The following HYDIN variants were observed in gnomAD, a reference collection of about 807,000 sequenced individuals.
HYDIN encodes the protein axonemal central pair apparatus protein HYDIN.
In HYDIN, 132 loss-of-function variants were observed where a neutral mutation model predicts 403.9. The ratio of observed to expected loss-of-function variants is 0.33; its 90% confidence interval spans 0.28 to 0.38. The LOEUF is 0.38. Among genes scored for constraint, HYDIN ranks in the 10% least tolerant of loss-of-function variants. The probability of loss-of-function intolerance (pLI) is 1.00; values close to 1 mark genes in which losing one functional copy is unlikely to be tolerated. For synonymous variants in HYDIN, 1,202 were observed against 1,891.7 expected (o/e 0.64, Z 9.46); for missense variants, 2,827 against 5,009.5 (o/e 0.56, Z 13.15).
At chr16:70,995,767 C>T (rs907668) in intron 23 of HYDIN, among the ~76,000 whole-genome samples, 2,231 of 152,286 alleles carry the variant, frequency 0.015, 53 homozygotes, top group African/African-American at 0.05. Context: ...AGGAGACACA[C>T]TGATTTCTAA....
chr16:71,196,468 C>T (rs1237473660), intron 1 of HYDIN, among the ~76,000 whole-genome samples: 1 of 151,632 alleles, frequency 6.6e-6, no homozygotes. Context: ...CCTACAGATG[C>T]AAACTGGAAT....
At position 70,807,904 on chromosome 16, in the gene HYDIN, G is replaced by T. The variant is rs1258652088; in HGVS notation, c.15042C>A (p.Ile5014=). The change falls in exon 86 of 86, where the codon ATC becomes ATA. Residue 5014 remains isoleucine, a synonymous_variant. Coordinates refer to ENST00000393567, the MANE Select transcript of HYDIN (RefSeq NM_001270974.2). ...GCAGAGCCATTCCAAAGAGGGGGAT[G>T]ATATACTCTCCACCTGCGAGCGATG... ...ILSSLAGGEY[I]IPLFGMALPP... The T allele has an allele frequency of 1.2e-6, 2 of 1,614,138 alleles. No individual in the cohort carries two copies. The highest frequency in any genetic ancestry group is 2.2e-5 in the South Asian group (2 of 91,076).
chr16:71,025,282 TG>T (rs1404633673), intron 21 of HYDIN, 100 bp downstream of exon 21: 1 of 140,318 alleles, frequency 7.1e-6, no homozygotes, highest in Non-Finnish European at 1.5e-5. Flanking sequence ...GGCTGAGTAA[TG>T]GGTGGAAAAG....
intron 83 of HYDIN, among the ~76,000 whole-genome samples, chr16:70,826,713 C>T (rs904758944): frequency 7.4e-6 from 1 of 135,060 alleles, no homozygotes; most frequent in Non-Finnish European, 1.6e-5. Flanking sequence ...GCATCTCTCT[C>T]TCTCTCTCTC....
chr16:71,050,572 G>C (rs1176744575), intron 18 of HYDIN, among the ~76,000 whole-genome samples: 2 of 151,846 alleles, frequency 1.3e-5, no homozygotes, highest in Admixed American at 6.6e-5. Flanking sequence ...ACTAATCCCT[G>C]GCAACCACTG....
intron 22 of HYDIN, among the ~76,000 whole-genome samples, chr16:71,019,480 C>A (rs1213726658): frequency 6.6e-6 from 1 of 152,310 alleles, no homozygotes; most frequent in Non-Finnish European, 1.5e-5. Context: ...GAAAGCCAGG[C>A]CAGCCACTGG....
intron 1 of HYDIN, among the ~76,000 whole-genome samples, chr16:71,209,214 T>A (rs1242801115): frequency 6.7e-6 from 1 of 149,690 alleles, no homozygotes; most frequent in East Asian, 1.9e-4. Context: ...GTAGGCTTTA[T>A]CCCCATGATG....
chr16:70,896,208 T>G, intron 53 of HYDIN, 128 bp from the exon 54 acceptor site: 1 of 1,014,860 alleles, frequency 9.9e-7, no homozygotes, highest in Non-Finnish European at 1.4e-6. Context: ...AGGTATTTTA[T>G]CTTCGCCAAG....
In HYDIN at chr16:70,834,110, T is replaced by C; in HGVS notation, c.13456A>G (p.Lys4486Glu). ...NITLKPKEVC[K>E]LEVIFAPKKR... is the part of the protein sequence containing the mutation. ...TTCGGGGCAAAGATGACTTCCAGTT[T>C]ACAGACTTCTTTGGGCTTCAGTGTG... The change falls in exon 79 of 86, where the codon AAA becomes GAA. Residue 4486 changes from lysine to glutamate, a missense_variant. Coordinates refer to ENST00000393567, the MANE Select transcript of HYDIN (RefSeq NM_001270974.2). 6.2e-7 allele frequency: 1 copy of C among 1,613,364 alleles called. No individual in the cohort carries two copies. The highest frequency in any genetic ancestry group is 8.5e-7 in the Non-Finnish European group (1 of 1,179,612).
intron 10 of HYDIN, among the ~76,000 whole-genome samples, chr16:71,106,294 T>A (rs1474076779): frequency 6.6e-6 from 1 of 152,176 alleles, no homozygotes; most frequent in East Asian, 1.9e-4. Context: ...CACAAAGTAT[T>A]TCCCTGACTT....
intron 58 of HYDIN, among the ~76,000 whole-genome samples, chr16:70,887,898 T>C (rs1567770131): frequency 6.6e-6 from 1 of 152,132 alleles, no homozygotes; most frequent in Non-Finnish European, 1.5e-5. Flanking sequence ...TTATCCAGGA[T>C]GGTCTCGATC....
At position 70,920,982 on chromosome 16, in the gene HYDIN, T is replaced by G. The variant is rs768449200; in HGVS notation, c.7394A>C (p.Lys2465Thr). 9.4e-6 allele frequency: 15 copies of G among 1,590,348 alleles called. No homozygotes were observed. The South Asian group carries it at 1.2e-4, about 13-fold the overall frequency. ...GTACATGAGGATGTTCTGGACATCC[T>G]TCAGTGTCAATTCATAGGTCTTAAA... ...PKFKTYELTL[K>T]DVQNILMYWD... is the part of the protein sequence containing the mutation. Residue 2465 changes from lysine (K) to threonine (T), a missense_variant, in exon 46 of 86, where the codon AAG becomes ACG. By Grantham distance (78) the Lys-to-Thr change is moderately conservative. Transcript: ENST00000393567.
In HYDIN at chr16:70,871,977, C is replaced by A. The variant is rs1029345370; in HGVS notation, c.11091+60G>T. 7.2e-6 allele frequency: 11 copies of A among 1,528,156 alleles called. No individual in the cohort carries two copies. In the African/African-American group the frequency reaches 1.5e-4, roughly 21 times the overall value. 94.7% of individuals were successfully genotyped at this position (1,528,156 alleles called of 1,614,324 possible). ...GCATCCACGGGAAAGGGCTGACAAT[C>A]AGTCTGGGGTTGGCTTAGGACTAAG... On this transcript the variant is annotated intron_variant, in intron 65 of 85. Transcript: ENST00000393567.
At chr16:70,916,291 G>C (rs2143800348) in intron 47 of HYDIN, among the ~76,000 whole-genome samples, 1 of 152,268 alleles carries the variant, frequency 6.6e-6, no homozygotes, top group Non-Finnish European at 1.5e-5. Context: ...GGCCTGCTTG[G>C]GGACCTAGGG....
intron 62 of HYDIN, 65 bp downstream of exon 62, chr16:70,879,232 G>A (rs1228957577): frequency 3.1e-6 from 4 of 1,297,464 alleles, no homozygotes; most frequent in Non-Finnish European, 4.3e-6. Flanking sequence ...AGAGGCCCCA[G>A]TGGCAGAAGT....
intron 7 of HYDIN, among the ~76,000 whole-genome samples, chr16:71,141,064 A>C (rs1384571757): frequency 1.3e-5 from 2 of 151,938 alleles, no homozygotes; most frequent in South Asian, 2.1e-4. Flanking sequence ...TCTATAAAAT[A>C]GAAATTGATA....
intron 41 of HYDIN, among the ~76,000 whole-genome samples, chr16:70,946,439 T>C (rs1439418280): frequency 3.3e-5 from 5 of 151,590 alleles, no homozygotes; most frequent in Non-Finnish European, 1.5e-5. Context: ...GTCTTAAATT[T>C]AAATTAAGAT....
At chr16:71,207,819 A>G (rs1487800313) in intron 1 of HYDIN, among the ~76,000 whole-genome samples, 8 of 152,242 alleles carry the variant, frequency 5.3e-5, no homozygotes, top group Non-Finnish European at 8.8e-5. Flanking sequence ...ATCAAAAAGG[A>G]AAAAGTAGGG....
At chr16:71,095,488 G>T (rs1685039411) in intron 10 of HYDIN, among the ~76,000 whole-genome samples, 1 of 150,438 alleles carries the variant, frequency 6.6e-6, no homozygotes, top group African/African-American at 2.4e-5. Context: ...ATTGATTGAT[G>T]CTTCTCATAA....
Sources: gnomAD v4.1 joint callset for allele counts (sites outside exome capture counted in the v4.1 genomes callset) on GRCh38, gnomAD v4.1.1 for gene constraint, MANE v1.5 for transcripts, NCBI Gene and HGNC (gene_info 2026-07-23, HGNC 2026-07-21) for gene names.